Variants in GPC6 observed in about 807,000 individuals in gnomAD.
GPC6 encodes the protein glypican-6.
A neutral mutation model predicts 55.2 loss-of-function variants in GPC6; 14 were observed. The observed-to-expected ratio is 0.25, with a 90% CI of 0.17 to 0.40. The LOEUF is 0.40. Ranked by LOEUF, GPC6 falls within the 10% of genes least tolerant of loss-of-function variation. The pLI, the probability that GPC6 is intolerant of heterozygous loss-of-function variation, is 1.00. For synonymous variants in GPC6, 278 were observed against 259.6 expected, an observed-to-expected ratio of 1.07 and a Z score of -0.68; for missense variants, 641 against 708.5, an observed-to-expected ratio of 0.90 and a Z score of 1.08.
At chr13:94,324,782 T>A (rs967737037) in intron 6 of GPC6, among the ~76,000 whole-genome samples, 1 of 152,070 alleles carries the variant, frequency 6.6e-6, no homozygotes, top group African/African-American at 2.4e-5. Flanking sequence ...AGTTCCAGAT[T>A]GAAGCAGAAT....
chr13:94,308,804 G>A lies in GPC6; in HGVS notation c.1152+2681G>A, dbSNP rs542131644. 2.7e-4 allele frequency among the ~76,000 whole-genome samples: 41 copies of A among 152,276 alleles called. 1 individual carries two copies. The highest frequency in any genetic ancestry group is 1.0e-3 in the South Asian group (5 of 4,826). On this transcript the variant is annotated intron_variant, in intron 6 of 8. Coordinates refer to ENST00000377047, the MANE Select transcript of GPC6 (RefSeq NM_005708.5). ...TTTGCGCATCAAACGGAGCTATACC[G>A]AGGTTATTCCTGAGAGACACGAGTT...
At chr13:94,229,679 A>C (rs911837581) in intron 4 of GPC6, among the ~76,000 whole-genome samples, 2 of 152,218 alleles carry the variant, frequency 1.3e-5, no homozygotes, top group Non-Finnish European at 2.9e-5. Flanking sequence ...GGATAGCCTC[A>C]TTGACTTACA....
rs780892208 is a variant in GPC6 at position 94,403,149 on chromosome 13, C to T, written c.1600C>T (p.Arg534Cys). ...RREVDSSAAQ[R>C]GHSLLSWSLT... ...AGAGGTGGACTCTTCTGCAGCCCAG[C>T]GTGGCCACTCCCTGCTCTCCTGGTC... Residue 534 changes from arginine (R) to cysteine (C), a missense_variant, in exon 9 of 9, where the codon CGT becomes TGT. Transcript: ENST00000377047. 5 of 1,613,724 alleles carry T rather than the reference C, an allele frequency of 3.1e-6. No individual in the cohort carries two copies. The highest frequency in any genetic ancestry group is 2.2e-5 in the South Asian group (2 of 91,084).
At chr13:94,118,996 ATGTG>A (rs4001790) in intron 4 of GPC6, among the ~76,000 whole-genome samples, 3,249 of 150,508 alleles carry the variant, frequency 0.022, 80 homozygotes, top group South Asian at 0.071. Flanking sequence ...TACATTATGT[ATGTG>A]TGTGTGTGTG....
intron 1 of GPC6, among the ~76,000 whole-genome samples, chr13:93,473,670 C>A (rs1879206008): frequency 6.6e-6 from 1 of 152,198 alleles, no homozygotes; most frequent in Non-Finnish European, 1.5e-5. Flanking sequence ...CCCCTCTTTG[C>A]CCACTCCTCT....
intron 2 of GPC6, among the ~76,000 whole-genome samples, chr13:93,690,495 T>A (rs1344365600): frequency 1.3e-5 from 2 of 151,978 alleles, no homozygotes; most frequent in Non-Finnish European, 2.9e-5. Flanking sequence ...CACTAGAATT[T>A]TCTGATTCTA....
At chr13:93,250,650 G>A (rs1368946614) in intron 1 of GPC6, among the ~76,000 whole-genome samples, 1 of 152,150 alleles carries the variant, frequency 6.6e-6, no homozygotes, top group African/African-American at 2.4e-5. Context: ...TGCTACCCAG[G>A]TGAGGGGTGT....
chr13:94,084,068 A>C (rs1287528083), intron 4 of GPC6, among the ~76,000 whole-genome samples: 2 of 152,246 alleles, frequency 1.3e-5, no homozygotes, highest in Non-Finnish European at 2.9e-5. Context: ...TAGTCCTTCC[A>C]TCTCCTGGGA....
intron 3 of GPC6, among the ~76,000 whole-genome samples, chr13:93,974,272 G>C (rs1211914514): frequency 6.6e-6 from 1 of 152,088 alleles, no homozygotes; most frequent in African/African-American, 2.4e-5. Context: ...TTATTCTAAG[G>C]TCTTTCTGTG....
At chr13:93,552,759 A>G (rs1272076849) in intron 2 of GPC6, among the ~76,000 whole-genome samples, 2 of 152,202 alleles carry the variant, frequency 1.3e-5, no homozygotes, top group East Asian at 1.9e-4. Flanking sequence ...GTATTGCTCT[A>G]TCAGACTCTG....
chr13:93,974,498 A>G (rs1880431830), intron 3 of GPC6, among the ~76,000 whole-genome samples: 2 of 152,294 alleles, frequency 1.3e-5, no homozygotes, highest in East Asian at 1.9e-4. Context: ...ATGATGATCT[A>G]TGTAACAAAT....
intron 1 of GPC6, among the ~76,000 whole-genome samples, chr13:93,509,607 C>T (rs527814137): frequency 6.6e-6 from 1 of 152,280 alleles, no homozygotes; most frequent in African/African-American, 2.4e-5. Context: ...CTTAAAGCTT[C>T]TGTCTAAATG....
chr13:93,573,725 A>G (rs1035904383), intron 2 of GPC6, among the ~76,000 whole-genome samples: 10 of 152,190 alleles, frequency 6.6e-5, no homozygotes, highest in Non-Finnish European at 1.5e-4. Context: ...CTGCTGCCAA[A>G]GGTGGCTGTG....
At chr13:94,015,313 G>C (rs1490810281) in intron 3 of GPC6, among the ~76,000 whole-genome samples, 2 of 152,018 alleles carry the variant, frequency 1.3e-5, no homozygotes, top group Admixed American at 1.3e-4. Flanking sequence ...GAGTCTGTTA[G>C]CCATTTGCGT....
At chr13:93,256,063 C>G (rs1237348631) in intron 1 of GPC6, among the ~76,000 whole-genome samples, 2 of 149,854 alleles carry the variant, frequency 1.3e-5, no homozygotes, top group Non-Finnish European at 3.0e-5. Flanking sequence ...ATGAGAATTG[C>G]TTGAGATGTT....
At chr13:94,193,272 G>A (rs1264120136) in intron 4 of GPC6, among the ~76,000 whole-genome samples, 2 of 152,116 alleles carry the variant, frequency 1.3e-5, no homozygotes, top group Non-Finnish European at 2.9e-5. Flanking sequence ...TTATAGTGGA[G>A]CTATGTCACC....
intron 2 of GPC6, among the ~76,000 whole-genome samples, chr13:93,826,714 G>A (rs754597167): frequency 1.1e-4 from 16 of 151,930 alleles, no homozygotes; most frequent in Non-Finnish European, 1.3e-4. Flanking sequence ...CCCTTGTCCC[G>A]GTGTGCCATC....
At chr13:93,601,116 T>G (rs1338649731) in intron 2 of GPC6, among the ~76,000 whole-genome samples, 2 of 150,888 alleles carry the variant, frequency 1.3e-5, no homozygotes. Flanking sequence ...TGTTGGGGAG[T>G]GGTGGCTCAC....
chr13:94,143,656 G>C (rs914158046), intron 4 of GPC6, among the ~76,000 whole-genome samples: 3 of 152,142 alleles, frequency 2.0e-5, no homozygotes, highest in African/African-American at 7.2e-5. Flanking sequence ...TGGAGGCCAA[G>C]GTGGGTGGAT....
Sources: gnomAD v4.1 joint callset for allele counts (sites outside exome capture counted in the v4.1 genomes callset) on GRCh38, gnomAD v4.1.1 for gene constraint, MANE v1.5 for transcripts, NCBI Gene and HGNC (gene_info 2026-07-23, HGNC 2026-07-21) for gene names.